RASGRF1: variants seen among roughly 807,000 people sequenced by gnomAD.
The protein encoded by RASGRF1 is Ras protein specific guanine nucleotide releasing factor 1, also known as ras-specific guanine nucleotide-releasing factor 1.
Under a neutral mutation model 138.7 loss-of-function variants are expected in RASGRF1, and 40 were observed. The observed-to-expected ratio is 0.29, with a 90% confidence interval of 0.22 to 0.38. The LOEUF (loss-of-function observed/expected upper bound fraction) is 0.38. Ranked by LOEUF, RASGRF1 falls within the 10% of genes least tolerant of loss-of-function variation. RASGRF1 has a pLI of 1.00. For synonymous variants in RASGRF1, 614 were observed against 663.2 expected (o/e 0.93, Z 1.14); for missense variants, 1,108 against 1,650.4 (o/e 0.67, Z 5.69).
chr15:79,059,163 C>T (rs2057551580), intron 2 of RASGRF1, among the ~76,000 whole-genome samples: 1 of 151,176 alleles, frequency 6.6e-6, no homozygotes, highest in East Asian at 1.9e-4. Flanking sequence ...CCTATCCTTC[C>T]CTTCCCTTCC....
At chr15:79,001,552 A>G in intron 16 of RASGRF1, 110 bp downstream of exon 16, 1 of 1,307,904 alleles carries the variant, frequency 7.6e-7, no homozygotes, top group East Asian at 2.6e-5. Context: ...TGCTCTTAGG[A>G]GTCACTCATA....
chr15:78,973,267 C>T lies in RASGRF1; in HGVS notation c.3612+36G>A, dbSNP rs149412249. On this transcript the variant is annotated intron_variant, in intron 25 of 26. Coordinates refer to ENST00000558480, the MANE Select transcript of RASGRF1 (RefSeq NM_001145648.3). The surrounding 1 kb of genome is among the most constrained non-coding windows in gnomAD (Gnocchi z 4.9). The stretch of plus-strand genomic sequence containing the variant: ...CCAGGTTGAGTCATCTGGGCTTCAA[C>T]GCCCCCCTTCCCCTGCCTGGCTGGG... 2.5e-3 allele frequency: 3,784 copies of T among 1,510,214 alleles called. 10 individuals carry two copies. The highest frequency in any genetic ancestry group is 4.7e-3 in the Admixed American group (265 of 56,436). 93.6% of individuals were successfully genotyped at this position (1,510,214 alleles called of 1,614,324 possible).
intron 22 of RASGRF1, among the ~76,000 whole-genome samples, chr15:78,987,277 A>C (rs2058597883): frequency 6.6e-6 from 1 of 152,176 alleles, no homozygotes; most frequent in Admixed American, 6.5e-5. Flanking sequence ...ATATTTGATA[A>C]AATTCTGTAT....
At chr15:79,074,882 G>A (rs982086008) in intron 1 of RASGRF1, among the ~76,000 whole-genome samples, 1 of 152,216 alleles carries the variant, frequency 6.6e-6, no homozygotes, top group East Asian at 1.9e-4. Flanking sequence ...TGGACCTAGA[G>A]CTTTCCTAGA....
chr15:79,049,012 T>G (rs1395922189), intron 4 of RASGRF1, among the ~76,000 whole-genome samples: 1 of 152,060 alleles, frequency 6.6e-6, no homozygotes, highest in Non-Finnish European at 1.5e-5. Flanking sequence ...TGAACTCTAA[T>G]AGGGTAAAAG....
At chr15:79,088,280 G>T (rs1247988518) in intron 1 of RASGRF1, among the ~76,000 whole-genome samples, 2 of 152,170 alleles carry the variant, frequency 1.3e-5, no homozygotes, top group Non-Finnish European at 2.9e-5. Context: ...GACCTAAATA[G>T]CTCTGTCCAG....
chr15:79,072,398 C>T (rs1012839737), intron 1 of RASGRF1, among the ~76,000 whole-genome samples: 4 of 150,734 alleles, frequency 2.7e-5, no homozygotes, highest in South Asian at 4.2e-4. Context: ...GCCTCAGCCT[C>T]CCGAGGAGCT....
chr15:79,086,146 T>C (rs931653527), intron 1 of RASGRF1, among the ~76,000 whole-genome samples: 1 of 152,188 alleles, frequency 6.6e-6, no homozygotes, highest in African/African-American at 2.4e-5. Flanking sequence ...TGGTTTCCTA[T>C]AGGTGCAAGC....
chr15:79,042,876 G>T (rs2141019069), intron 5 of RASGRF1, among the ~76,000 whole-genome samples: 1 of 152,302 alleles, frequency 6.6e-6, no homozygotes, highest in Non-Finnish European at 1.5e-5. Context: ...CTGTTTTAAG[G>T]TCACAAAAAA....
chr15:79,049,717 G>A (rs1412035772), intron 3 of RASGRF1, 129 bp from the exon 4 acceptor site: 2 of 691,504 alleles, frequency 2.9e-6, no homozygotes, highest in Non-Finnish European at 4.8e-6. Context: ...GAGCCATGAT[G>A]CCACAGCTTG....
At chr15:78,990,051 C>T in intron 22 of RASGRF1, 138 bp downstream of exon 22, 1 of 745,754 alleles carries the variant, frequency 1.3e-6, no homozygotes, top group East Asian at 2.5e-5. Flanking sequence ...CCCGAGGCCA[C>T]ATGGCAAGGG....
intron 10 of RASGRF1, 27 bp from the exon 11 acceptor site, chr15:79,020,131 T>G (rs1172422825): frequency 6.2e-7 from 1 of 1,610,240 alleles, no homozygotes; most frequent in Non-Finnish European, 8.5e-7. Flanking sequence ...GGGGCTGCTT[T>G]GGATTGAGGG....
At chr15:79,070,300 C>T (rs1234966608) in intron 1 of RASGRF1, among the ~76,000 whole-genome samples, 2 of 152,210 alleles carry the variant, frequency 1.3e-5, no homozygotes, top group Admixed American at 6.5e-5. Context: ...CACCTAGCCC[C>T]TACCTGGGCA....
At position 78,962,643 on chromosome 15, in the gene RASGRF1, G is replaced by C. The variant is rs2055570057; in HGVS notation, c.3682-407C>G. On this transcript the variant is annotated intron_variant, in intron 26 of 26. Transcript: ENST00000558480. ...CATGCCTCTAATCCCAGCACTTTGG[G>C]AGGCTGAGGCAGGAGGATCGCTTGA... Among the ~76,000 whole-genome samples the C allele has an allele frequency of 2.0e-5, 3 of 152,318 alleles. 1 individual carries two copies. Among genetic ancestry groups the C allele is most frequent in the Middle Eastern group, 6.8e-3 (2 of 294 alleles).
intron 14 of RASGRF1, chr15:79,005,085 T>G (rs12910014): frequency 0.03 from 29,100 of 985,470 alleles, 492 homozygotes; most frequent in Non-Finnish European, 0.033. Context: ...AAATCCATCC[T>G]GGATGGGATG....
chr15:79,020,303 T>C (rs950211360), intron 10 of RASGRF1, among the ~76,000 whole-genome samples, 199 bp from the exon 11 acceptor site: 1 of 152,258 alleles, frequency 6.6e-6, no homozygotes, highest in African/African-American at 2.4e-5. Flanking sequence ...AGAAGCTCAA[T>C]GAAGTGGGTC....
At chr15:79,084,071 T>G (rs747269316) in intron 1 of RASGRF1, among the ~76,000 whole-genome samples, 8 of 152,228 alleles carry the variant, frequency 5.3e-5, no homozygotes, top group Non-Finnish European at 1.2e-4. Context: ...TAAAATCTCA[T>G]GTGGAAACCT....
chr15:79,031,688 A>G (rs369126256), intron 7 of RASGRF1, among the ~76,000 whole-genome samples, 179 bp from the exon 8 acceptor site: 23 of 116,010 alleles, frequency 2.0e-4, no homozygotes, highest in African/African-American at 7.2e-4. Context: ...GGGCGGGGGA[A>G]AGGGGGAGAG....
intron 1 of RASGRF1, among the ~76,000 whole-genome samples, chr15:79,075,950 A>G (rs2057827689): frequency 6.6e-6 from 1 of 152,182 alleles, no homozygotes; most frequent in Non-Finnish European, 1.5e-5. Context: ...TTTACTCTCC[A>G]AGTCATTTCT....
Sources: gnomAD v4.1 joint callset for allele counts (sites outside exome capture counted in the v4.1 genomes callset) on GRCh38, gnomAD v4.1.1 for gene constraint, Gnocchi (gnomAD v3.1) non-coding constraint, MANE v1.5 for transcripts, NCBI Gene and HGNC (gene_info 2026-07-23, HGNC 2026-07-21) for gene names.